Variants in ZNF804A observed in about 807,000 individuals in gnomAD.
ZNF804A encodes the protein zinc finger protein 804A.
Under a neutral mutation model 16.5 loss-of-function variants are expected in ZNF804A, and 2 were observed. That is an observed-to-expected ratio of 0.12 (90% CI 0.05 to 0.38). The LOEUF is 0.38. Among genes scored for constraint, ZNF804A ranks in the 10% least tolerant of loss-of-function variants. The probability of loss-of-function intolerance (pLI) is 0.99; values close to 1 mark genes in which losing one functional copy is unlikely to be tolerated. For missense variants in ZNF804A, 1,473 were observed against 1,390.7 expected (o/e 1.06, Z -0.94); for synonymous variants, 534 against 489.6 (o/e 1.09, Z -1.20).
chr2:184,659,782 T>G (rs995229477), intron 1 of ZNF804A, among the ~76,000 whole-genome samples: 3 of 152,210 alleles, frequency 2.0e-5, no homozygotes, highest in African/African-American at 7.2e-5. Flanking sequence ...TTTATTATTA[T>G]TTTCTGTGCA....
intron 1 of ZNF804A, among the ~76,000 whole-genome samples, chr2:184,642,201 G>T (rs925422354): frequency 2.0e-5 from 3 of 152,026 alleles, no homozygotes; most frequent in Non-Finnish European, 2.9e-5. Flanking sequence ...CATATGTGTT[G>T]CTGATGTATT....
At chr2:184,692,783 A>C (rs1488006834) in intron 1 of ZNF804A, among the ~76,000 whole-genome samples, 2 of 152,208 alleles carry the variant, frequency 1.3e-5, no homozygotes, top group Non-Finnish European at 2.9e-5. Flanking sequence ...TCATCGTAAT[A>C]ATAACTACTA....
chr2:184,838,538 T>C (rs1695389022), intron 1 of ZNF804A, among the ~76,000 whole-genome samples: 1 of 152,138 alleles, frequency 6.6e-6, no homozygotes, highest in East Asian at 1.9e-4. Context: ...AATTAAACTT[T>C]TCTTTGAGAA....
At chr2:184,671,598 G>C (rs773297454) in intron 1 of ZNF804A, among the ~76,000 whole-genome samples, 7 of 152,290 alleles carry the variant, frequency 4.6e-5, no homozygotes, top group Non-Finnish European at 7.4e-5. Flanking sequence ...AGAAGCCCTA[G>C]TGCTTTCTCA....
intron 1 of ZNF804A, among the ~76,000 whole-genome samples, chr2:184,668,796 G>A (rs1692294170): frequency 1.3e-5 from 2 of 151,890 alleles, no homozygotes; most frequent in African/African-American, 4.8e-5. Context: ...GGTCAAAGAG[G>A]ATATATTATG....
chr2:184,636,470 A>G (rs1691700118), intron 1 of ZNF804A, among the ~76,000 whole-genome samples: 2 of 137,140 alleles, frequency 1.5e-5, no homozygotes, highest in Non-Finnish European at 3.1e-5. Flanking sequence ...AGAGAGAGAG[A>G]GAGAGAGGTA....
rs1695432651 is a variant in ZNF804A at position 184,841,274 on chromosome 2, T to C, written c.112-25095T>C. ...AAGGAATAGTGGTGGAAGATACTTC[T>C]ACTTTCACCACAAGTAGGCTATCAA... On this transcript the variant is annotated intron_variant, in intron 1 of 3. Coordinates refer to ENST00000302277, the MANE Select transcript of ZNF804A (RefSeq NM_194250.2). 2.6e-5 allele frequency among the ~76,000 whole-genome samples: 4 copies of C among 152,202 alleles called. No homozygotes were observed. In the South Asian group the frequency reaches 6.2e-4, roughly 24 times the overall value.
chr2:184,779,432 A>G (rs749667657), intron 1 of ZNF804A, among the ~76,000 whole-genome samples: 7 of 151,776 alleles, frequency 4.6e-5, no homozygotes, highest in Middle Eastern at 3.2e-3. Flanking sequence ...ATGATGCACA[A>G]ATCTTAATCC....
intron 1 of ZNF804A, among the ~76,000 whole-genome samples, chr2:184,773,496 T>A (rs1166916106): frequency 6.6e-6 from 1 of 151,942 alleles, no homozygotes; most frequent in East Asian, 1.9e-4. Context: ...AATAATGGCA[T>A]TCATAGCAAC....
chr2:184,652,897 T>C (rs1692011773), intron 1 of ZNF804A, among the ~76,000 whole-genome samples: 1 of 152,154 alleles, frequency 6.6e-6, no homozygotes, highest in African/African-American at 2.4e-5. Context: ...TAGGTTCTCA[T>C]TATTCTCTCC....
intron 1 of ZNF804A, among the ~76,000 whole-genome samples, chr2:184,740,119 G>T (rs1693691293): frequency 6.6e-6 from 1 of 152,062 alleles, no homozygotes; most frequent in South Asian, 2.1e-4. Context: ...TATTTCAAGG[G>T]ACTCATAGTC....
intron 1 of ZNF804A, among the ~76,000 whole-genome samples, chr2:184,812,107 A>G (rs1372830868): frequency 6.6e-6 from 1 of 152,224 alleles, no homozygotes; most frequent in Admixed American, 6.5e-5. Context: ...TTCTTTAATT[A>G]TATATTTAGG....
chr2:184,684,486 G>A (rs1226238475), intron 1 of ZNF804A, among the ~76,000 whole-genome samples: 1 of 152,196 alleles, frequency 6.6e-6, no homozygotes, highest in Non-Finnish European at 1.5e-5. Context: ...ACAGTCTGCA[G>A]TATGTATGGA....
At chr2:184,923,794 T>G (rs1229049610) in intron 2 of ZNF804A, among the ~76,000 whole-genome samples, 1 of 152,068 alleles carries the variant, frequency 6.6e-6, no homozygotes, top group Non-Finnish European at 1.5e-5. Flanking sequence ...TTTTTCAGCA[T>G]CATTTGAAAC....
At chr2:184,824,536 T>A (rs1695130872) in intron 1 of ZNF804A, among the ~76,000 whole-genome samples, 1 of 152,156 alleles carries the variant, frequency 6.6e-6, no homozygotes, top group Non-Finnish European at 1.5e-5. Context: ...TATAACGCTC[T>A]CTTACGTTTT....
chr2:184,918,889 G>A (rs915715391), intron 2 of ZNF804A, among the ~76,000 whole-genome samples: 3 of 152,074 alleles, frequency 2.0e-5, no homozygotes, highest in Non-Finnish European at 2.9e-5. Context: ...TAAAGTGCCT[G>A]TTTCAACAAA....
At chr2:184,776,523 G>A (rs200791082) in intron 1 of ZNF804A, among the ~76,000 whole-genome samples, 9 of 149,908 alleles carry the variant, frequency 6.0e-5, no homozygotes, top group East Asian at 5.9e-4. Context: ...TTAGTACTTC[G>A]GAATGTGTAA....
At chr2:184,784,522 T>C (rs1179014617) in intron 1 of ZNF804A, among the ~76,000 whole-genome samples, 1 of 151,968 alleles carries the variant, frequency 6.6e-6, no homozygotes, top group African/African-American at 2.4e-5. Context: ...GAAATAGGCT[T>C]CACTTTAAGT....
intron 2 of ZNF804A, among the ~76,000 whole-genome samples, chr2:184,916,923 A>T (rs1423376609): frequency 6.6e-6 from 1 of 152,126 alleles, no homozygotes; most frequent in Non-Finnish European, 1.5e-5. Flanking sequence ...TCAAAGGCTG[A>T]TGCTGTAATT....
Sources: gnomAD v4.1 joint callset for allele counts (sites outside exome capture counted in the v4.1 genomes callset) on GRCh38, gnomAD v4.1.1 for gene constraint, MANE v1.5 for transcripts, NCBI Gene and HGNC (gene_info 2026-07-23, HGNC 2026-07-21) for gene names.